IDS: variants seen among roughly 807,000 people sequenced by gnomAD.
The protein encoded by IDS is alpha-L-iduronate sulfate sulfatase.
Under a neutral mutation model 33.5 loss-of-function variants are expected in IDS, and 1 was observed. The ratio of observed to expected loss-of-function variants is 0.03; its 90% confidence interval spans 0.01 to 0.14. IDS has a LOEUF of 0.14. Among genes scored for constraint, IDS ranks in the 10% least tolerant of loss-of-function variants. The pLI is 1.00. For synonymous variants in IDS, 191 were observed against 184.4 expected (o/e 1.04, Z -0.29); for missense variants, 328 against 448.0 (o/e 0.73, Z 2.42).
At chrX:149,489,518 T>C (rs1315807777) in intron 7 of IDS, among the ~76,000 whole-genome samples, 1 of 112,628 alleles carries the variant, frequency 8.9e-6, no homozygotes, top group Non-Finnish European at 1.9e-5. Context: ...TTTTTTCTTT[T>C]CATGATAAGC....
chrX:149,482,521 TAA>T lies in IDS; in HGVS notation c.*223_*224del, dbSNP rs71753099. On this transcript the variant is annotated 3_prime_UTR_variant, in exon 9 of 9. Transcript: ENST00000340855. Reference sequence around the variant, plus strand: ...GTAACTGTTTTAAAAAGAGGGAAATTAAAAAAAAAACTGGTCCAATTACCAAT... The same window carrying T: ...GTAACTGTTTTAAAAAGAGGGAAATTAAAAAAAACTGGTCCAATTACCAAT... The T allele has an allele frequency of 1.2e-4, 48 of 413,170 alleles. No homozygotes were observed. Among genetic ancestry groups the T allele is most frequent in the Non-Finnish European group, 1.7e-4 (42 of 250,505 alleles). The allele number at this position is 413,170 out of a possible 1,213,427, so 34.0% of individuals were successfully genotyped here. A position where few individuals can be genotyped will look rare whatever the true frequency, so the allele number is the denominator to read the frequency against.
intron 8 of IDS, among the ~76,000 whole-genome samples, chrX:149,484,648 T>C (rs1403740366): frequency 1.2e-4 from 13 of 112,483 alleles, no homozygotes; most frequent in Admixed American, 1.0e-3. Flanking sequence ...TGTTTTTTAT[T>C]AATAGCCATC....
At position 149,493,110 on chromosome X, in the gene IDS, C is replaced by T. The variant is rs782393720; in HGVS notation, c.880-2670G>A. On this transcript the variant is annotated intron_variant, in intron 6 of 8. Coordinates refer to ENST00000340855, the MANE Select transcript of IDS (RefSeq NM_000202.8). ...CTCACAGGCAGGTCAACACACATAT[C>T]TGAAAATCAGGAGAGACCTGGGCTG... 6.2e-3 allele frequency among the ~76,000 whole-genome samples: 692 copies of T among 111,961 alleles called. 4 individuals carry two copies. Among genetic ancestry groups the T allele is most frequent in the African/African-American group, 0.021 (655 of 30,787 alleles).
intron 6 of IDS, among the ~76,000 whole-genome samples, chrX:149,493,740 A>G (rs1213033100): frequency 1.8e-5 from 2 of 111,364 alleles, no homozygotes; most frequent in Non-Finnish European, 3.8e-5. Context: ...AATAGAGCCC[A>G]TTCAGCAAGT....
At position 149,485,780 on chromosome X, in the gene IDS, G is replaced by A. The variant is rs184063255; in HGVS notation, c.1180+1145C>T. Among the ~76,000 whole-genome samples the A allele has an allele frequency of 3.4e-4, 38 of 112,149 alleles. No homozygotes were observed. In the East Asian group the frequency reaches 8.7e-3, roughly 26 times the overall value. The stretch of plus-strand genomic sequence containing the variant: ...CAGAAGATCTTTCCCAGCAAACAAA[G>A]GGCTAAAATCATGCCTTGAAACTGT... On this transcript the variant is annotated intron_variant, in intron 8 of 8. Coordinates refer to ENST00000340855, the MANE Select transcript of IDS (RefSeq NM_000202.8).
chrX:149,481,799 C>A lies in IDS; in HGVS notation c.*947G>T, dbSNP rs1557337464. On this transcript the variant is annotated 3_prime_UTR_variant, in exon 9 of 9. Transcript: ENST00000340855. Reference sequence around the variant, plus strand: ...AAAATAATTTAGAATTTAATGTTTTCTTTAATAAGCAATTAAAATGGAATA... The same window carrying A: ...AAAATAATTTAGAATTTAATGTTTTATTTAATAAGCAATTAAAATGGAATA... 1 of 112,065 alleles carries A rather than the reference C, an allele frequency of 8.9e-6. No individual in the cohort carries two copies. The highest frequency in any genetic ancestry group is 3.3e-5 in the African/African-American group (1 of 30,723). The allele number at this position is 112,065 out of a possible 1,213,427, so 9.2% of individuals were successfully genotyped here.
At position 149,481,854 on chromosome X, in the gene IDS, G is replaced by A. The variant is rs2089297790; in HGVS notation, c.*892C>T. On this transcript the variant is annotated 3_prime_UTR_variant, in exon 9 of 9. Coordinates refer to ENST00000340855, the MANE Select transcript of IDS (RefSeq NM_000202.8). The stretch of plus-strand genomic sequence containing the variant: ...CTGCCTCCTGAATAAATACATGTCT[G>A]TAACCAACCATCCCTAAAGAAGGAT... 8.9e-6 allele frequency: 1 copy of A among 112,372 alleles called. No homozygotes were observed. Among genetic ancestry groups the A allele is most frequent in the Non-Finnish European group, 1.9e-5 (1 of 53,274 alleles). 9.3% of individuals were successfully genotyped at this position (112,372 alleles called of 1,213,427 possible). A position where few individuals can be genotyped will look rare whatever the true frequency, so the allele number is the denominator to read the frequency against.
chrX:149,501,318 C>T (rs2089478709), intron 3 of IDS, among the ~76,000 whole-genome samples: 1 of 112,064 alleles, frequency 8.9e-6, no homozygotes, highest in Non-Finnish European at 1.9e-5. Context: ...ATGCTGAAAC[C>T]TATCTCTCAC....
intron 2 of IDS, 125 bp downstream of exon 2, chrX:149,504,032 C>G (rs1366865223): frequency 4.9e-6 from 3 of 607,020 alleles, no homozygotes; most frequent in Non-Finnish European, 7.8e-6. Flanking sequence ...ATTTTCCAGA[C>G]TATGCTTCCC....
rs1261822996 is a variant in IDS, at chrX:149,479,487, G to C, written c.*3259C>G. 8.9e-6 allele frequency: 1 copy of C among 112,198 alleles called. No individual in the cohort carries two copies. The highest frequency in any genetic ancestry group is 9.4e-5 in the Admixed American group (1 of 10,586). 9.2% of individuals were successfully genotyped at this position (112,198 alleles called of 1,213,427 possible). On this transcript the variant is annotated 3_prime_UTR_variant, in exon 9 of 9. Transcript: ENST00000340855. Reference sequence around the variant, plus strand: ...AAATAGAGATGTTTTTGACAACTTGGCACTGAGAGACTATCCTAAGGGAAT... The same window carrying C: ...AAATAGAGATGTTTTTGACAACTTGCCACTGAGAGACTATCCTAAGGGAAT...
intron 8 of IDS, 89 bp downstream of exon 8, chrX:149,486,836 C>A (rs1030195631): frequency 3.9e-6 from 4 of 1,025,219 alleles, no homozygotes; most frequent in Admixed American, 2.3e-5. Context: ...TCTGTGTAAC[C>A]CCCAAAGCCT....
At chrX:149,504,426 T>C in intron 1 of IDS, 133 bp from the exon 2 acceptor site, 1 of 697,896 alleles carries the variant, frequency 1.4e-6, no homozygotes, top group African/African-American at 2.1e-5. Flanking sequence ...GAGGGCGCTG[T>C]GCCTCAGCAA....
chrX:149,485,378 G>A (rs782059384), intron 8 of IDS, among the ~76,000 whole-genome samples: 23 of 112,211 alleles, frequency 2.0e-4, no homozygotes, highest in South Asian at 3.7e-4. Context: ...AGTGGCAGGC[G>A]AAGTGGTGGG....
chrX:149,488,359 C>T (rs1439478974), intron 7 of IDS, among the ~76,000 whole-genome samples: 1 of 105,133 alleles, frequency 9.5e-6, no homozygotes, highest in African/African-American at 3.5e-5. Context: ...AGGCCACCAG[C>T]TTAGAGGTCA....
chrX:149,490,858 G>A (rs1041929567), intron 6 of IDS, among the ~76,000 whole-genome samples: 1 of 111,922 alleles, frequency 8.9e-6, no homozygotes, highest in East Asian at 2.8e-4. Flanking sequence ...TGGTGGTGGT[G>A]GCTGTCAGTC....
chrX:149,480,794 T>A lies in IDS; in HGVS notation c.*1952A>T, dbSNP rs1484169745. 1 of 115,254 alleles carries A rather than the reference T, an allele frequency of 8.7e-6. No homozygotes were observed. The highest frequency in any genetic ancestry group is 3.2e-5 in the African/African-American group (1 of 31,007). 9.5% of individuals were successfully genotyped at this position (115,254 alleles called of 1,213,427 possible). On this transcript the variant is annotated 3_prime_UTR_variant, in exon 9 of 9. Coordinates refer to ENST00000340855, the MANE Select transcript of IDS (RefSeq NM_000202.8). ...CGCATCCGACTTCTAACGCACTGGG[T>A]TTTAACAAGCCCCTCAAGTAGTTCT...
In IDS at chrX:149,482,516, G is replaced by T; in HGVS notation, c.*230C>A. The stretch of plus-strand genomic sequence containing the variant: ...AAGCCGTAACTGTTTTAAAAAGAGG[G>T]AAATTAAAAAAAAAACTGGTCCAAT... On this transcript the variant is annotated 3_prime_UTR_variant, in exon 9 of 9. Transcript: ENST00000340855. The T allele has an allele frequency of 2.4e-6, 1 of 419,731 alleles. No individual in the cohort carries two copies. Among genetic ancestry groups the T allele is most frequent in the Non-Finnish European group, 3.9e-6 (1 of 253,406 alleles). 34.6% of individuals were successfully genotyped at this position (419,731 alleles called of 1,213,427 possible).
chrX:149,480,641 G>C lies in IDS; in HGVS notation c.*2105C>G. The C allele has an allele frequency of 4.0e-6, 1 of 249,607 alleles. No homozygotes were observed. The highest frequency in any genetic ancestry group is 1.1e-3 in the Middle Eastern group (1 of 873). 20.6% of individuals were successfully genotyped at this position (249,607 alleles called of 1,213,427 possible). ...ATTACAGGCATGCACCACCACACCC[G>C]GCTAACTTTTGTATTTTTAGTAGAG... On this transcript the variant is annotated 3_prime_UTR_variant, in exon 9 of 9. Coordinates refer to ENST00000340855, the MANE Select transcript of IDS (RefSeq NM_000202.8).
In IDS at chrX:149,503,070, A is replaced by G. The variant is rs1734483; in HGVS notation, c.418+242T>C. On this transcript the variant is annotated intron_variant, in intron 3 of 8. Coordinates refer to ENST00000340855, the MANE Select transcript of IDS (RefSeq NM_000202.8). ...CCTCCCTACCACCCGAGGAGCTGAAAGACCCAACAGCACACCCTCAGTGGT... is the reference window on the plus strand; with the variant it reads ...CCTCCCTACCACCCGAGGAGCTGAAGGACCCAACAGCACACCCTCAGTGGT... 423 of 1,088,034 alleles carry G rather than the reference A, an allele frequency of 3.9e-4. No individual in the cohort carries two copies. In the South Asian group the frequency reaches 4.9e-3, roughly 13 times the overall value. 89.7% of individuals were successfully genotyped at this position (1,088,034 alleles called of 1,213,427 possible). A position where few individuals can be genotyped will look rare whatever the true frequency, so the allele number is the denominator to read the frequency against.
Sources: gnomAD v4.1 joint callset for allele counts (sites outside exome capture counted in the v4.1 genomes callset) on GRCh38, gnomAD v4.1.1 for gene constraint, MANE v1.5 for transcripts, NCBI Gene and HGNC (gene_info 2026-07-23, HGNC 2026-07-21) for gene names.